Variants in GALNT14 observed in about 807,000 individuals in gnomAD.
The protein encoded by GALNT14 is UDP-GalNAc:polypeptide N-acetylgalactosaminyltransferase 14.
A neutral mutation model predicts 77.5 loss-of-function variants in GALNT14; 60 were observed. The observed-to-expected ratio is 0.77, with a 90% CI of 0.63 to 0.96. GALNT14 has a LOEUF of 0.96. Ranked by LOEUF, GALNT14 falls within the 40% of genes least tolerant of loss-of-function variation. The pLI, the probability that GALNT14 is intolerant of heterozygous loss-of-function variation, is 0.00. For missense variants in GALNT14, 710 were observed against 731.0 expected, an observed-to-expected ratio of 0.97 and a Z score of 0.33; for synonymous variants, 280 against 281.7, an observed-to-expected ratio of 0.99 and a Z score of 0.06.
chr2:30,972,909 C>G (rs1558456063), intron 2 of GALNT14, among the ~76,000 whole-genome samples: 1 of 152,168 alleles, frequency 6.6e-6, no homozygotes, highest in African/African-American at 2.4e-5. Flanking sequence ...GGAGTCTGAT[C>G]AGGTGGGCGA....
chr2:31,115,100 A>G (rs1027254339), intron 1 of GALNT14, among the ~76,000 whole-genome samples: 8 of 151,984 alleles, frequency 5.3e-5, no homozygotes, highest in African/African-American at 1.9e-4. Context: ...AATAAATAAA[A>G]TTAGCCAGGC....
At chr2:30,961,552 T>C (rs542403654) in intron 3 of GALNT14, among the ~76,000 whole-genome samples, 18 of 152,332 alleles carry the variant, frequency 1.2e-4, no homozygotes, top group Admixed American at 2.0e-4. Context: ...ATTAATAATA[T>C]TGAAGCTAAT....
intron 1 of GALNT14, among the ~76,000 whole-genome samples, chr2:31,016,543 A>T (rs749705300): frequency 2.6e-5 from 4 of 152,026 alleles, no homozygotes; most frequent in Non-Finnish European, 5.9e-5. Context: ...GCCCCACACG[A>T]ACTCCTTCCA....
At chr2:30,901,622 T>A in the GALNT14 span, among the ~76,000 whole-genome samples, 1 of 151,852 alleles carries the variant, frequency 6.6e-6, no homozygotes, top group African/African-American at 2.4e-5. Flanking sequence ...ATAAATTCCA[T>A]TTCCTTTAAT....
intron 8 of GALNT14, among the ~76,000 whole-genome samples, chr2:30,943,913 T>C (rs1203790553): frequency 6.6e-6 from 1 of 152,118 alleles, no homozygotes; most frequent in African/African-American, 2.4e-5. Context: ...CATTCTTAGC[T>C]CTTGCTAGTC....
At chr2:31,088,672 T>C (rs1212625871) in intron 1 of GALNT14, among the ~76,000 whole-genome samples, 1 of 152,178 alleles carries the variant, frequency 6.6e-6, no homozygotes, top group Non-Finnish European at 1.5e-5. Flanking sequence ...AGAATTATTG[T>C]GGATAAAGGT....
chr2:30,948,615 G>T (rs1420129968), intron 6 of GALNT14, among the ~76,000 whole-genome samples: 1 of 152,186 alleles, frequency 6.6e-6, no homozygotes, highest in African/African-American at 2.4e-5. Flanking sequence ...AAAGTAAGTG[G>T]TATCTGTACA....
intron 1 of GALNT14, among the ~76,000 whole-genome samples, chr2:31,034,264 T>A (rs1672579225): frequency 6.6e-6 from 1 of 152,236 alleles, no homozygotes; most frequent in Non-Finnish European, 1.5e-5. Flanking sequence ...CTGCCTGGAT[T>A]ATTACATGGC....
At chr2:31,132,840 G>A (rs1679055366) in intron 1 of GALNT14, 2 of 402,688 alleles carry the variant, frequency 5.0e-6, no homozygotes, top group Non-Finnish European at 1.0e-5. Flanking sequence ...TCATGCAGCT[G>A]GAGGCCACAA....
intron 1 of GALNT14, among the ~76,000 whole-genome samples, chr2:31,077,298 A>G (rs1675864480): frequency 6.6e-6 from 1 of 152,162 alleles, no homozygotes; most frequent in African/African-American, 2.4e-5. Flanking sequence ...AAATCTTCCC[A>G]TTATTTCTTT....
intron 1 of GALNT14, among the ~76,000 whole-genome samples, chr2:31,082,943 G>C (rs1676226963): frequency 6.6e-6 from 1 of 152,118 alleles, no homozygotes; most frequent in Non-Finnish European, 1.5e-5. Flanking sequence ...ACTTGAACTT[G>C]GGAGGCGGAG....
chr2:30,989,582 A>ATATATATATATATAT (rs1553351577), intron 2 of GALNT14, among the ~76,000 whole-genome samples: 1 of 114,164 alleles, frequency 8.8e-6, no homozygotes, highest in Non-Finnish European at 1.8e-5. Flanking sequence ...ATATATATAT[A>ATATATATATATATAT]AAAATATATA....
At chr2:30,913,188 C>CAT (rs1255362018) in intron 13 of GALNT14, among the ~76,000 whole-genome samples, 1 of 152,140 alleles carries the variant, frequency 6.6e-6, no homozygotes, top group Non-Finnish European at 1.5e-5. Context: ...AAAGTACTGG[C>CAT]ATAAGCGTTT....
rs141212440 is a variant in GALNT14, at chr2:30,955,917, C to T, written c.527G>A (p.Arg176Gln). ...PKVKCLRNNE[R>Q]QGLVRSRIRG... is the part of the protein sequence containing the mutation. Reference sequence around the variant, plus strand: ...GCACAACAGCTCAGACCTACCTTGCCGTTCATTATTGCGCAAGCATTTCAC... The same window carrying T: ...GCACAACAGCTCAGACCTACCTTGCTGTTCATTATTGCGCAAGCATTTCAC... Residue 176 changes from arginine (R) to glutamine (Q), a missense_variant, in exon 5 of 15, where the codon CGG becomes CAG. Arg to Gln is a conservative substitution (Grantham distance 43). Transcript: ENST00000349752. 1.2e-5 allele frequency: 19 copies of T among 1,613,974 alleles called. No homozygotes were observed. Among genetic ancestry groups the T allele is most frequent in the East Asian group, 4.5e-5 (2 of 44,884 alleles).
chr2:31,018,598 G>C (rs990020599), intron 1 of GALNT14, among the ~76,000 whole-genome samples: 1 of 152,118 alleles, frequency 6.6e-6, no homozygotes, highest in Non-Finnish European at 1.5e-5. Context: ...GATGAGATTT[G>C]GGTGGGGACA....
intron 1 of GALNT14, among the ~76,000 whole-genome samples, chr2:31,112,034 T>C (rs138378117): frequency 1.7e-4 from 26 of 151,772 alleles, no homozygotes; most frequent in African/African-American, 6.0e-4. Context: ...CCTTGTTCCA[T>C]TGAGGACCCT....
At chr2:30,945,720 T>A in intron 7 of GALNT14, 63 bp downstream of exon 7, 1 of 1,347,886 alleles carries the variant, frequency 7.4e-7, no homozygotes, top group African/African-American at 1.4e-5. Context: ...TCTCCCCACT[T>A]AAAAGCAGTG....
chr2:31,133,304 CA>C (rs1679073354), intron 1 of GALNT14, among the ~76,000 whole-genome samples: 1 of 152,140 alleles, frequency 6.6e-6, no homozygotes, highest in Non-Finnish European at 1.5e-5. Context: ...GGACAGAGTC[CA>C]ATATGCACAT....
chr2:31,060,499 GA>G (rs1452092667), intron 1 of GALNT14, among the ~76,000 whole-genome samples: 1 of 152,218 alleles, frequency 6.6e-6, no homozygotes, highest in Admixed American at 6.5e-5. Flanking sequence ...TGAATAGACT[GA>G]ATCAGCCTTC....
Sources: gnomAD v4.1 joint callset for allele counts (sites outside exome capture counted in the v4.1 genomes callset) on GRCh38, gnomAD v4.1.1 for gene constraint, MANE v1.5 for transcripts, NCBI Gene and HGNC (gene_info 2026-07-23, HGNC 2026-07-21) for gene names.